Variants in FHIT observed in about 807,000 individuals in gnomAD.
FHIT encodes fragile histidine triad diadenosine triphosphatase.
Under a neutral mutation model 17.9 loss-of-function variants are expected in FHIT, and 19 were observed. The observed-to-expected ratio is 1.06, with a 90% CI of 0.74 to 1.56. FHIT has a LOEUF of 1.56. Ranked by LOEUF, FHIT falls within the 40% of genes most tolerant of loss-of-function variation. The probability of loss-of-function intolerance (pLI) is 0.00; values close to 1 mark genes in which losing one functional copy is unlikely to be tolerated. For missense variants in FHIT, 248 were observed against 189.2 expected (o/e 1.31, Z -1.82); for synonymous variants, 81 against 69.7 (o/e 1.16, Z -0.81).
At chr3:59,941,927 C>T (rs6446093) in intron 7 of FHIT, among the ~76,000 whole-genome samples, 150,522 of 152,282 alleles carry the variant, frequency 0.99, 74,415 homozygotes, top group Middle Eastern at 1. Flanking sequence ...TGTGGAAAAG[C>T]AATGTTACCT....
At chr3:60,182,404 C>T (rs1420128360) in intron 5 of FHIT, among the ~76,000 whole-genome samples, 1 of 152,158 alleles carries the variant, frequency 6.6e-6, no homozygotes, top group East Asian at 1.9e-4. Flanking sequence ...CAAAACATGG[C>T]AGCAGACGCT....
chr3:60,349,501 T>C (rs1192754824), intron 5 of FHIT, among the ~76,000 whole-genome samples: 1 of 152,218 alleles, frequency 6.6e-6, no homozygotes, highest in African/African-American at 2.4e-5. Flanking sequence ...GACCAATCCC[T>C]ACAATTAAGG....
intron 4 of FHIT, among the ~76,000 whole-genome samples, chr3:60,738,592 A>T: frequency 6.6e-6 from 1 of 152,220 alleles, no homozygotes; most frequent in East Asian, 1.9e-4. Context: ...GATGCATTTG[A>T]AGAAGAGCTA....
chr3:60,567,156 A>T (rs2037168121), intron 4 of FHIT, among the ~76,000 whole-genome samples: 1 of 152,134 alleles, frequency 6.6e-6, no homozygotes, highest in Non-Finnish European at 1.5e-5. Context: ...TGCCAAGTCA[A>T]TCCTAAGCCA....
chr3:60,080,309 C>T (rs1576052304), intron 5 of FHIT, among the ~76,000 whole-genome samples: 1 of 152,026 alleles, frequency 6.6e-6, no homozygotes, highest in East Asian at 1.9e-4. Context: ...GTGGGAGAAC[C>T]TCTGCTAGGA....
At chr3:59,922,270 C>T (rs1174151533) in intron 8 of FHIT, 76 bp downstream of exon 8, 1 of 1,229,528 alleles carries the variant, frequency 8.1e-7, no homozygotes, top group African/African-American at 1.5e-5. Flanking sequence ...TAGGGTAATA[C>T]TTGATTCATT....
Position 61,202,207 on chromosome 3 carries a change from C to T in FHIT, c.-212-1542G>A, listed in dbSNP as rs574198415. Among the ~76,000 whole-genome samples the T allele has an allele frequency of 9.2e-5, 14 of 151,990 alleles. No homozygotes were observed. The South Asian group carries it at 2.9e-3, about 32-fold the overall frequency. Reference sequence around the variant, plus strand: ...CTGGGAAGTGAGGAGCCCCTCTGCCCGGCTGGCCAACTGACTGGGAGTGAG... The same window carrying T: ...CTGGGAAGTGAGGAGCCCCTCTGCCTGGCTGGCCAACTGACTGGGAGTGAG... On this transcript the variant is annotated intron_variant, in intron 1 of 9. Coordinates refer to ENST00000492590, the MANE Select transcript of FHIT (RefSeq NM_002012.4).
At chr3:61,173,443 G>C (rs2038068781) in intron 2 of FHIT, among the ~76,000 whole-genome samples, 1 of 152,106 alleles carries the variant, frequency 6.6e-6, no homozygotes, top group African/African-American at 2.4e-5. Context: ...CTAAAGACCT[G>C]TGGTATTTAT....
chr3:61,028,694 A>C (rs1559922140), intron 3 of FHIT, among the ~76,000 whole-genome samples: 1 of 152,180 alleles, frequency 6.6e-6, no homozygotes, highest in Non-Finnish European at 1.5e-5. Context: ...TGAGGATCAA[A>C]TAAGACAACA....
intron 2 of FHIT, among the ~76,000 whole-genome samples, chr3:61,104,647 TA>T (rs994352147): frequency 2.6e-5 from 4 of 152,220 alleles, no homozygotes; most frequent in Non-Finnish European, 5.9e-5. Flanking sequence ...TCATGAATGA[TA>T]TCCTGAAATA....
intron 8 of FHIT, among the ~76,000 whole-genome samples, chr3:59,834,792 A>G (rs928326838): frequency 6.6e-5 from 10 of 152,230 alleles, no homozygotes; most frequent in Admixed American, 6.5e-4. Context: ...CATTCAGTCT[A>G]TAACAGATAG....
Position 60,826,116 on chromosome 3 carries a change from TAAAG to T in FHIT, c.-110-4109_-110-4106del, listed in dbSNP as rs199705798. Among the ~76,000 whole-genome samples, 640 of 142,626 alleles carry T rather than the reference TAAAG, an allele frequency of 4.5e-3. 4 individuals carry two copies. Among genetic ancestry groups the T allele is most frequent in the African/African-American group, 0.015 (554 of 38,168 alleles). 93.6% of individuals were successfully genotyped at this position (142,626 alleles called of 152,430 possible). ...TCTGTGCTTTTTTGTTTTCTGCGAG[TAAAG>T]AAAGGAGGAAAGGGAGGGAGGGATG... On this transcript the variant is annotated intron_variant, in intron 3 of 9. Coordinates refer to ENST00000492590, the MANE Select transcript of FHIT (RefSeq NM_002012.4).
At chr3:60,588,469 A>G (rs2037977193) in intron 4 of FHIT, among the ~76,000 whole-genome samples, 1 of 151,880 alleles carries the variant, frequency 6.6e-6, no homozygotes, top group Non-Finnish European at 1.5e-5. Flanking sequence ...AGAAAGGGAG[A>G]AAAAGAATCG....
At chr3:60,954,013 A>G (rs1166802788) in intron 3 of FHIT, among the ~76,000 whole-genome samples, 2 of 152,218 alleles carry the variant, frequency 1.3e-5, no homozygotes, top group African/African-American at 4.8e-5. Context: ...AGAAGCCTTC[A>G]TCACTGCACC....
chr3:60,213,964 T>G (rs1380564888), intron 5 of FHIT, among the ~76,000 whole-genome samples: 8 of 152,186 alleles, frequency 5.3e-5, no homozygotes, highest in Admixed American at 5.2e-4. Context: ...AAAAATGGGA[T>G]GGTTCAGGTA....
chr3:60,470,371 T>C (rs1348705891), intron 5 of FHIT, among the ~76,000 whole-genome samples: 1 of 152,080 alleles, frequency 6.6e-6, no homozygotes, highest in East Asian at 1.9e-4. Flanking sequence ...TTGGGAAATT[T>C]AGAAATCTAC....
Position 60,147,388 on chromosome 3 carries a change from G to C in FHIT, c.104-133236C>G, listed in dbSNP as rs147783289. ...AAGAGGAGAGACTGCAGCAGCTCTG[G>C]GTTTCGAAGGAAACCGATACATCCT... On this transcript the variant is annotated intron_variant, in intron 5 of 9. Coordinates refer to ENST00000492590, the MANE Select transcript of FHIT (RefSeq NM_002012.4). Among the ~76,000 whole-genome samples the C allele has an allele frequency of 1.3e-4, 20 of 152,204 alleles. No individual in the cohort carries two copies. In the East Asian group the frequency reaches 3.5e-3, roughly 27 times the overall value.
chr3:60,981,461 C>T (rs573614922), intron 3 of FHIT, among the ~76,000 whole-genome samples: 131 of 151,920 alleles, frequency 8.6e-4, no homozygotes, highest in Non-Finnish European at 1.5e-3. Flanking sequence ...CACGCCACCA[C>T]TACCAGCTAA....
chr3:60,385,960 G>A (rs1700994482), intron 5 of FHIT, among the ~76,000 whole-genome samples: 1 of 152,148 alleles, frequency 6.6e-6, no homozygotes, highest in South Asian at 2.1e-4. Flanking sequence ...ATCTTTCCTA[G>A]GTGAAATAAT....
Sources: allele counts gnomAD v4.1 joint callset (sites outside exome capture counted in the v4.1 genomes callset), GRCh38; gene constraint gnomAD v4.1.1; transcripts MANE v1.5; gene names NCBI Gene and HGNC (gene_info 2026-07-23, HGNC 2026-07-21).